CCDC126: variants seen among roughly 807,000 people sequenced by gnomAD.
CCDC126 encodes the protein coiled-coil domain containing 126, also known as coiled-coil domain-containing protein 126.
A neutral mutation model predicts 11.7 loss-of-function variants in CCDC126; 5 were observed. The ratio of observed to expected loss-of-function variants is 0.43; its 90% confidence interval spans 0.22 to 0.90. The LOEUF is 0.90. CCDC126 is among the 40% of genes least tolerant of loss of function. The pLI is 0.27. For synonymous variants in CCDC126, 60 were observed against 61.9 expected (o/e 0.97, Z 0.14); for missense variants, 150 against 163.1 (o/e 0.92, Z 0.44).
chr7:23,633,529 A>G (rs17148222), intron 3 of CCDC126, among the ~76,000 whole-genome samples: 14,344 of 151,862 alleles, frequency 0.094, 1,926 homozygotes, highest in African/African-American at 0.3. Context: ...TAGTAGCTTC[A>G]TAGTAAAACT....
chr7:23,642,202 C>T (rs947933692), intron 3 of CCDC126, among the ~76,000 whole-genome samples: 14 of 151,964 alleles, frequency 9.2e-5, no homozygotes, highest in African/African-American at 1.7e-4. Flanking sequence ...TTAGTAGAGA[C>T]GGGGTTTCAC....
At position 23,643,598 on chromosome 7, in the gene CCDC126, A is replaced by G. The variant is rs116653651; in HGVS notation, c.*483A>G. The G allele has an allele frequency of 9.4e-3, 1,443 of 152,998 alleles. 23 individuals are homozygous for G. The highest frequency in any genetic ancestry group is 0.033 in the African/African-American group (1,388 of 41,592). The allele number at this position is 152,998 out of a possible 1,614,324, so 9.5% of individuals were successfully genotyped here. ...TATTGTACTATATTTTGTTATTCCA[A>G]TTATGAGCAGAGAAAGGAAATATAA... On this transcript the variant is annotated 3_prime_UTR_variant, in exon 4 of 4. Transcript: ENST00000307471.
chr7:23,640,107 T>A (rs567669073), intron 3 of CCDC126, among the ~76,000 whole-genome samples: 1 of 151,804 alleles, frequency 6.6e-6, no homozygotes, highest in South Asian at 2.1e-4. Context: ...CGCTTGAACC[T>A]GGGAGGTGGA....
At chr7:23,632,173 A>G (rs1369000343) in intron 3 of CCDC126, among the ~76,000 whole-genome samples, 1 of 151,658 alleles carries the variant, frequency 6.6e-6, no homozygotes, top group African/African-American at 2.4e-5. Flanking sequence ...AGCTCACTGA[A>G]ACCTCTGCCT....
At chr7:23,600,266 C>G (rs1782513792) in intron 2 of CCDC126, among the ~76,000 whole-genome samples, 1 of 151,958 alleles carries the variant, frequency 6.6e-6, no homozygotes, top group Admixed American at 6.6e-5. Context: ...GATATCTTGA[C>G]ACTCATTATT....
At position 23,643,069 on chromosome 7, in the gene CCDC126, C is replaced by T. The variant is rs369221963; in HGVS notation, c.377C>T (p.Pro126Leu). The T allele has an allele frequency of 3.7e-6, 6 of 1,614,008 alleles. No individual in the cohort carries two copies. Among genetic ancestry groups the T allele is most frequent in the Non-Finnish European group, 4.2e-6 (5 of 1,179,972 alleles). The change falls in exon 4 of 4, where the codon CCA becomes CTA. Residue 126 changes from proline (P) to leucine (L), a missense_variant. Coordinates refer to ENST00000307471, the MANE Select transcript of CCDC126 (RefSeq NM_138771.4). ...AATGGTACTAGTGGGAATTTGGTGC[C>T]AGTAACCACAAATAAAAGAACGAAT... The part of the protein sequence containing the change: ...TTNGTSGNLV[P>L]VTTNKRTNVS...
At chr7:23,634,725 G>A (rs1160416613) in intron 3 of CCDC126, among the ~76,000 whole-genome samples, 1 of 152,170 alleles carries the variant, frequency 6.6e-6, no homozygotes, top group Admixed American at 6.5e-5. Flanking sequence ...GGAAGGGAAG[G>A]TATTTTTTCC....
chr7:23,633,098 T>C (rs1783144294), intron 3 of CCDC126, among the ~76,000 whole-genome samples: 1 of 152,074 alleles, frequency 6.6e-6, no homozygotes, highest in Non-Finnish European at 1.5e-5. Flanking sequence ...GTTCAAGCGA[T>C]TTTCCTGACT....
intron 2 of CCDC126, among the ~76,000 whole-genome samples, chr7:23,608,535 G>A (rs1290015795): frequency 6.6e-6 from 1 of 151,998 alleles, no homozygotes; most frequent in Admixed American, 6.6e-5. Context: ...TATTTTATGT[G>A]TGGTCAGAAC....
chr7:23,611,129 T>C lies in CCDC126; in HGVS notation c.-145-42T>C, dbSNP rs1584197113. The C allele has an allele frequency of 1.8e-5, 9 of 514,154 alleles. No individual in the cohort carries two copies. The East Asian group carries it at 2.8e-4, about 16-fold the overall frequency. 31.8% of individuals were successfully genotyped at this position (514,154 alleles called of 1,614,324 possible). ...TTATAGTCGTCTGTTCTGTTACTGATACAGATTAAGACTAATACTGTTTTT... is the reference window on the plus strand; with the variant it reads ...TTATAGTCGTCTGTTCTGTTACTGACACAGATTAAGACTAATACTGTTTTT... On this transcript the variant is annotated intron_variant, in intron 2 of 3. Transcript: ENST00000307471.
chr7:23,630,513 A>G (rs1183749421), intron 3 of CCDC126, among the ~76,000 whole-genome samples: 7 of 150,916 alleles, frequency 4.6e-5, no homozygotes, highest in Non-Finnish European at 1.0e-4. Context: ...CAATCAATCA[A>G]TCATCCATGA....
In CCDC126 at chr7:23,643,870, G is replaced by C. The variant is rs910160084; in HGVS notation, c.*755G>C. The C allele has an allele frequency of 2.6e-5, 4 of 151,670 alleles. No individual in the cohort carries two copies. Among genetic ancestry groups the C allele is most frequent in the African/African-American group, 9.7e-5 (4 of 41,400 alleles). 9.4% of individuals were successfully genotyped at this position (151,670 alleles called of 1,614,324 possible). ...AGAATAAAAGATATTTTTATGATGA[G>C]AGTAACAATAAAGTATTCATGATTT... On this transcript the variant is annotated 3_prime_UTR_variant, in exon 4 of 4. Coordinates refer to ENST00000307471, the MANE Select transcript of CCDC126 (RefSeq NM_138771.4).
chr7:23,620,100 A>C (rs1782864376), intron 3 of CCDC126, among the ~76,000 whole-genome samples: 1 of 152,190 alleles, frequency 6.6e-6, no homozygotes, highest in South Asian at 2.1e-4. Flanking sequence ...CATACCCAGT[A>C]ATGGGATGGT....
intron 3 of CCDC126, among the ~76,000 whole-genome samples, chr7:23,637,249 A>G (rs1163300264): frequency 1.0e-4 from 1 of 9,586 alleles, no homozygotes; most frequent in Non-Finnish European, 1.7e-4. Flanking sequence ...TTCGGGAGGG[A>G]GGTGGGGGGG....
chr7:23,639,255 G>T (rs1442594492), intron 3 of CCDC126, among the ~76,000 whole-genome samples: 1 of 148,634 alleles, frequency 6.7e-6, no homozygotes, highest in African/African-American at 2.5e-5. Context: ...GCAGTGGCAC[G>T]ATCTCAGCTC....
At chr7:23,630,142 C>T (rs1783085264) in intron 3 of CCDC126, among the ~76,000 whole-genome samples, 1 of 152,182 alleles carries the variant, frequency 6.6e-6, no homozygotes, top group African/African-American at 2.4e-5. Flanking sequence ...GCAGAATGCT[C>T]TGTTTATCCA....
intron 3 of CCDC126, among the ~76,000 whole-genome samples, chr7:23,642,671 G>A (rs961912678): frequency 6.6e-6 from 1 of 151,710 alleles, no homozygotes; most frequent in East Asian, 1.9e-4. Context: ...GCTGAGGCAC[G>A]AGAATCGCTG....
chr7:23,619,603 T>C (rs995961035), intron 3 of CCDC126: 2 of 208,624 alleles, frequency 9.6e-6, no homozygotes, highest in African/African-American at 4.8e-5. Context: ...TTATTATACT[T>C]TAAGTTCTAG....
chr7:23,637,098 G>A (rs1466305091), intron 3 of CCDC126, among the ~76,000 whole-genome samples: 3 of 92,760 alleles, frequency 3.2e-5, no homozygotes, highest in African/African-American at 1.4e-4. Flanking sequence ...CCCCCCGCCC[G>A]GCCAGCCGCC....
Sources: gnomAD v4.1 joint callset for allele counts (sites outside exome capture counted in the v4.1 genomes callset) on GRCh38, gnomAD v4.1.1 for gene constraint, MANE v1.5 for transcripts, NCBI Gene and HGNC (gene_info 2026-07-23, HGNC 2026-07-21) for gene names.